The following BMPER variants were observed in gnomAD, a reference collection of about 807,000 sequenced individuals.
The protein encoded by BMPER is BMP binding endothelial regulator.
Under a neutral mutation model 87.3 loss-of-function variants are expected in BMPER, and 45 were observed. The ratio of observed to expected loss-of-function variants is 0.52; its 90% CI spans 0.41 to 0.66. The LOEUF (loss-of-function observed/expected upper bound fraction) is 0.66, where lower values mean the gene tolerates loss of function less well. BMPER is among the 30% of genes least tolerant of loss of function. BMPER has a pLI of 0.00. For synonymous variants in BMPER, 326 were observed against 316.2 expected (o/e 1.03, Z -0.33); for missense variants, 784 against 867.5 (o/e 0.90, Z 1.21).
intron 1 of BMPER, among the ~76,000 whole-genome samples, chr7:33,906,066 T>G (rs570737233): frequency 6.6e-6 from 1 of 152,224 alleles, no homozygotes; most frequent in Non-Finnish European, 1.5e-5. Flanking sequence ...AGGAAAAAAA[T>G]TTGTGCAGTT....
intron 13 of BMPER, among the ~76,000 whole-genome samples, chr7:34,129,874 A>G (rs1219133348): frequency 1.3e-5 from 2 of 152,276 alleles, no homozygotes; most frequent in South Asian, 2.1e-4. Flanking sequence ...TCTTTGCTAG[A>G]TATTTGGATT....
intron 3 of BMPER, among the ~76,000 whole-genome samples, chr7:33,953,385 A>G (rs995413460): frequency 6.6e-6 from 1 of 152,250 alleles, no homozygotes; most frequent in African/African-American, 2.4e-5. Flanking sequence ...ACTTGGAAGT[A>G]GATGGGGAAT....
intron 11 of BMPER, among the ~76,000 whole-genome samples, chr7:34,068,763 G>T (rs758686492): frequency 3.3e-5 from 5 of 152,174 alleles, no homozygotes; most frequent in Admixed American, 1.3e-4. Context: ...GAGCAGAGTT[G>T]CCCTGCCTTT....
intron 3 of BMPER, among the ~76,000 whole-genome samples, chr7:33,951,824 C>G (rs747393454): frequency 7.2e-5 from 11 of 152,112 alleles, no homozygotes; most frequent in Non-Finnish European, 1.6e-4. Context: ...TGCAACTGTT[C>G]CTGGCCATGG....
chr7:33,966,653 A>G, intron 4 of BMPER, 92 bp downstream of exon 4: 1 of 1,232,528 alleles, frequency 8.1e-7, no homozygotes, highest in Non-Finnish European at 1.2e-6. Flanking sequence ...AAACCCTAAA[A>G]AGGCCAAACA....
At position 34,072,436 on chromosome 7, in the gene BMPER, AT is replaced by A. The variant is rs71554123; in HGVS notation, c.1079-6408del. On this transcript the variant is annotated intron_variant, in intron 11 of 14. Transcript: ENST00000649409. The stretch of plus-strand genomic sequence containing the variant: ...CTGAATGCCCTAGGGAAGAGAATCG[AT>A]TTTTTTTTTTTTCCTTTTCCAGCTT... Among the ~76,000 whole-genome samples, 489 of 145,016 alleles carry A rather than the reference AT, an allele frequency of 3.4e-3. 2 individuals are homozygous for A. Among genetic ancestry groups the A allele is most frequent in the Middle Eastern group, 0.031 (9 of 290 alleles).
intron 13 of BMPER, among the ~76,000 whole-genome samples, chr7:34,096,996 A>G (rs1789547125): frequency 6.6e-6 from 1 of 152,208 alleles, no homozygotes; most frequent in Admixed American, 6.5e-5. Context: ...TAGCTCACAG[A>G]GCTTGCAGGG....
intron 6 of BMPER, among the ~76,000 whole-genome samples, chr7:34,032,539 T>C (rs1366089579): frequency 2.0e-5 from 3 of 152,192 alleles, no homozygotes; most frequent in Non-Finnish European, 4.4e-5. Context: ...TATTAAGTAT[T>C]GGATGAAAGA....
At chr7:34,094,599 GTTGGTTT>G (rs1026147645) in intron 13 of BMPER, among the ~76,000 whole-genome samples, 26 of 152,348 alleles carry the variant, frequency 1.7e-4, no homozygotes, top group African/African-American at 6.3e-4. Context: ...CAGGTGTCAA[GTTGGTTT>G]TGCAGCCAGA....
At chr7:33,940,543 C>T (rs907705394) in intron 3 of BMPER, among the ~76,000 whole-genome samples, 1 of 152,192 alleles carries the variant, frequency 6.6e-6, no homozygotes, top group Non-Finnish European at 1.5e-5. Context: ...CAGTAAACCT[C>T]TCTGTAACTC....
intron 7 of BMPER, among the ~76,000 whole-genome samples, chr7:34,051,293 T>C (rs1788141202): frequency 6.6e-6 from 1 of 152,170 alleles, no homozygotes. Flanking sequence ...GTTCAAACCA[T>C]AGCAAACAAT....
intron 2 of BMPER, among the ~76,000 whole-genome samples, chr7:33,923,331 G>T (rs1037282193): frequency 1.3e-5 from 2 of 152,080 alleles, no homozygotes; most frequent in African/African-American, 4.8e-5. Context: ...ACACACACCC[G>T]TCTGTAATAC....
chr7:34,081,431 T>C (rs1789044483), intron 12 of BMPER, among the ~76,000 whole-genome samples: 1 of 152,242 alleles, frequency 6.6e-6, no homozygotes, highest in African/African-American at 2.4e-5. Flanking sequence ...TCTTTGACCC[T>C]GCGGTTTATG....
intron 2 of BMPER, among the ~76,000 whole-genome samples, chr7:33,917,322 ACT>A (rs1562628706): frequency 1.3e-5 from 2 of 151,734 alleles, no homozygotes; most frequent in Admixed American, 6.6e-5. Context: ...CTGGGAGCTG[ACT>A]CTCTTGAAAA....
At chr7:34,103,913 A>G (rs753612329) in intron 13 of BMPER, among the ~76,000 whole-genome samples, 3 of 152,208 alleles carry the variant, frequency 2.0e-5, no homozygotes, top group African/African-American at 7.2e-5. Flanking sequence ...GTTCAGAAGC[A>G]CTTAGTGACT....
At chr7:34,029,294 T>G (rs146417871) in intron 6 of BMPER, among the ~76,000 whole-genome samples, 2 of 152,212 alleles carry the variant, frequency 1.3e-5, no homozygotes, top group East Asian at 3.9e-4. Flanking sequence ...ACCTCTCATA[T>G]TTTTTCAAAT....
At chr7:34,065,535 C>T (rs1258072480) in intron 11 of BMPER, among the ~76,000 whole-genome samples, 1 of 152,170 alleles carries the variant, frequency 6.6e-6, no homozygotes, top group Admixed American at 6.5e-5. Context: ...CAGACATGAG[C>T]ACCTGTGATA....
upstream of BMPER, chr7:33,905,513 C>G (rs1328913181): frequency 2.7e-5 from 40 of 1,471,708 alleles, no homozygotes; most frequent in Non-Finnish European, 3.4e-5. Context: ...GACGGTCTCC[C>G]GACACGCCGG....
intron 11 of BMPER, among the ~76,000 whole-genome samples, chr7:34,063,547 G>A (rs2127966100): frequency 6.6e-6 from 1 of 152,174 alleles, no homozygotes; most frequent in Admixed American, 6.5e-5. Context: ...TAATAAAAAA[G>A]GTTTACTTTA....
Sources: gnomAD v4.1 joint callset for allele counts (sites outside exome capture counted in the v4.1 genomes callset) on GRCh38, gnomAD v4.1.1 for gene constraint, MANE v1.5 for transcripts, NCBI Gene and HGNC (gene_info 2026-07-23, HGNC 2026-07-21) for gene names.